Variants in DNAAF4 observed in about 807,000 individuals in gnomAD.
DNAAF4 encodes dynein axonemal assembly factor 4.
A neutral mutation model predicts 51.8 loss-of-function variants in DNAAF4; 43 were observed. The observed-to-expected ratio is 0.83, with a 90% CI of 0.65 to 1.07. The LOEUF (loss-of-function observed/expected upper bound fraction) is 1.07, where lower values mean the gene tolerates loss of function less well. Among genes scored for constraint, DNAAF4 ranks in the 50% least tolerant of loss-of-function variants. The pLI, the probability that DNAAF4 is intolerant of heterozygous loss-of-function variation, is 0.00. For missense variants in DNAAF4, 581 were observed against 493.0 expected, an observed-to-expected ratio of 1.18 and a Z score of -1.69; for synonymous variants, 194 against 165.6, an observed-to-expected ratio of 1.17 and a Z score of -1.32.
Position 55,465,381 on chromosome 15 carries a change from A to G in DNAAF4, c.637+1549T>C, listed in dbSNP as rs796794659. On this transcript the variant is annotated intron_variant, in intron 5 of 9. Transcript: ENST00000321149. Reference sequence around the variant, plus strand: ...CAACTAATGAGAAGATAAAGAAAATATGGTGTATATATACACACACACACA... The same window carrying G: ...CAACTAATGAGAAGATAAAGAAAATGTGGTGTATATATACACACACACACA... Among the ~76,000 whole-genome samples, 25 of 115,574 alleles carry G rather than the reference A, an allele frequency of 2.2e-4. 1 individual carries two copies. The highest frequency in any genetic ancestry group is 8.5e-4 in the African/African-American group (25 of 29,462). 75.8% of individuals were successfully genotyped at this position (115,574 alleles called of 152,430 possible). A position where few individuals can be genotyped will look rare whatever the true frequency, so the allele number is the denominator to read the frequency against.
intron 9 of DNAAF4, among the ~76,000 whole-genome samples, chr15:55,431,323 T>C (rs1372579398): frequency 2.0e-5 from 3 of 151,626 alleles, no homozygotes; most frequent in Non-Finnish European, 4.4e-5. Context: ...GCATGCACTA[T>C]GGTGGATCAG....
chr15:55,452,344 A>G (rs2057948976), intron 5 of DNAAF4, among the ~76,000 whole-genome samples: 1 of 151,736 alleles, frequency 6.6e-6, no homozygotes, highest in Admixed American at 6.6e-5. Flanking sequence ...CAGATTACTA[A>G]TAATACTAAT....
intron 4 of DNAAF4, among the ~76,000 whole-genome samples, chr15:55,470,543 G>C (rs1419852945): frequency 5.3e-5 from 8 of 149,596 alleles, no homozygotes; most frequent in Non-Finnish European, 4.4e-5. Context: ...GGCATGACTG[G>C]GTTTTTTTTT....
intron 6 of DNAAF4, among the ~76,000 whole-genome samples, chr15:55,448,829 C>T (rs1402196551): frequency 1.3e-5 from 2 of 151,256 alleles, no homozygotes; most frequent in African/African-American, 4.9e-5. Context: ...GAGACTGCGC[C>T]ACTGCACTCC....
intron 3 of DNAAF4, among the ~76,000 whole-genome samples, chr15:55,491,809 TTATATAA>T (rs1455476010): frequency 7.0e-6 from 1 of 143,320 alleles, no homozygotes; most frequent in East Asian, 2.0e-4. Flanking sequence ...ATATAATATT[TTATATAA>T]TATATATAAA....
At chr15:55,486,339 G>A (rs899267449) in intron 4 of DNAAF4, among the ~76,000 whole-genome samples, 13 of 151,692 alleles carry the variant, frequency 8.6e-5, no homozygotes, top group Non-Finnish European at 1.8e-4. Context: ...GATTACAGGT[G>A]CCTGCCACCA....
At chr15:55,491,295 A>G (rs751975264) in intron 3 of DNAAF4, 39 bp from the exon 4 acceptor site, 2 of 1,579,102 alleles carry the variant, frequency 1.3e-6, no homozygotes, top group African/African-American at 2.7e-5. Context: ...GAATTATGAC[A>G]AATTTGCTTT....
chr15:55,502,211 A>G (rs1004503698), intron 1 of DNAAF4, among the ~76,000 whole-genome samples: 1 of 152,300 alleles, frequency 6.6e-6, no homozygotes, highest in East Asian at 1.9e-4. Flanking sequence ...TGTCTCAGTA[A>G]GACAGTTTTA....
intron 4 of DNAAF4, among the ~76,000 whole-genome samples, chr15:55,468,952 C>G (rs1024183257): frequency 3.4e-4 from 51 of 151,988 alleles, no homozygotes; most frequent in African/African-American, 1.2e-3. Flanking sequence ...ACAGAAGGAA[C>G]TACAATGAAG....
intron 4 of DNAAF4, among the ~76,000 whole-genome samples, chr15:55,477,273 G>A (rs2058348385): frequency 6.6e-6 from 1 of 152,066 alleles, no homozygotes; most frequent in East Asian, 1.9e-4. Flanking sequence ...ATGGTAAGTT[G>A]TATGTTAGTT....
intron 1 of DNAAF4, among the ~76,000 whole-genome samples, chr15:55,499,979 A>T (rs147260000): frequency 2.0e-5 from 3 of 152,188 alleles, no homozygotes; most frequent in Non-Finnish European, 4.4e-5. Flanking sequence ...TAAAACAGTG[A>T]ATGTATACAA....
chr15:55,442,786 A>AGAGG, intron 6 of DNAAF4: 4 of 1,607,338 alleles, frequency 2.5e-6, no homozygotes, highest in Non-Finnish European at 3.4e-6. Flanking sequence ...AACAGAACAA[A>AGAGG]GAGGGATAGG....
At chr15:55,464,910 G>A (rs988428197) in intron 5 of DNAAF4, among the ~76,000 whole-genome samples, 2 of 152,164 alleles carry the variant, frequency 1.3e-5, no homozygotes, top group Non-Finnish European at 2.9e-5. Flanking sequence ...AGCCGAGATC[G>A]TGCCATTGCA....
intron 7 of DNAAF4, chr15:55,418,299 G>T (rs754188101): frequency 6.5e-7 from 1 of 1,548,570 alleles, no homozygotes. Context: ...GTGAACCCTG[G>T]CAATCCTGTG....
chr15:55,428,269 A>T (rs546089342), downstream of DNAAF4, among the ~76,000 whole-genome samples: 1 of 151,988 alleles, frequency 6.6e-6, no homozygotes, highest in African/African-American at 2.4e-5. Flanking sequence ...TATAATTTTT[A>T]ATCTTGTGGC....
intron 1 of DNAAF4, among the ~76,000 whole-genome samples, chr15:55,506,502 A>G (rs1395278838): frequency 6.6e-6 from 1 of 152,178 alleles, no homozygotes; most frequent in Non-Finnish European, 1.5e-5. Flanking sequence ...TAATTCTAGT[A>G]ACACTCCTGA....
intron 2 of DNAAF4, 52 bp downstream of exon 2, chr15:55,498,155 G>T (rs754331506): frequency 2.2e-5 from 36 of 1,611,750 alleles, no homozygotes; most frequent in Non-Finnish European, 3.1e-5. Context: ...CGCTCTTGCA[G>T]AAGCTTCGGA....
At chr15:55,479,949 A>T (rs1483418416) in intron 4 of DNAAF4, among the ~76,000 whole-genome samples, 1 of 152,184 alleles carries the variant, frequency 6.6e-6, no homozygotes, top group African/African-American at 2.4e-5. Context: ...TGCTGAACAT[A>T]GACCCTTATC....
At chr15:55,488,733 A>G (rs567645453) in intron 4 of DNAAF4, among the ~76,000 whole-genome samples, 2 of 152,240 alleles carry the variant, frequency 1.3e-5, no homozygotes, top group South Asian at 2.1e-4. Flanking sequence ...TTCATATTTT[A>G]TATATTAATT....
Sources: gnomAD v4.1 joint callset for allele counts (sites outside exome capture counted in the v4.1 genomes callset) on GRCh38, gnomAD v4.1.1 for gene constraint, MANE v1.5 for transcripts, NCBI Gene and HGNC (gene_info 2026-07-23, HGNC 2026-07-21) for gene names.